Variants in UBASH3B observed in about 807,000 individuals in gnomAD.
UBASH3B encodes ubiquitin-associated and SH3 domain-containing protein B.
Under a neutral mutation model 83.4 loss-of-function variants are expected in UBASH3B, and 37 were observed. The observed-to-expected ratio is 0.44, with a 90% CI of 0.34 to 0.58. The LOEUF is 0.58. UBASH3B is among the 20% of genes least tolerant of loss of function. The pLI, the probability that UBASH3B is intolerant of heterozygous loss-of-function variation, is 0.01. For missense variants in UBASH3B, 657 were observed against 827.2 expected (o/e 0.79, Z 2.52); for synonymous variants, 304 against 318.3 (o/e 0.96, Z 0.48).
chr11:122,684,018 T>C (rs923104165), intron 1 of UBASH3B, among the ~76,000 whole-genome samples: 3 of 152,194 alleles, frequency 2.0e-5, no homozygotes, highest in African/African-American at 7.2e-5. Flanking sequence ...TATTAGTTTT[T>C]AATATAGATC....
chr11:122,813,532 A>G lies in UBASH3B; in HGVS notation c.*3646A>G. Reference sequence around the variant, plus strand: ...GATTTCACAGCCTTCAGCACAGGCAACTGTTACTGAGTCTGCACGAACTTA... The same window carrying G: ...GATTTCACAGCCTTCAGCACAGGCAGCTGTTACTGAGTCTGCACGAACTTA... On this transcript the variant is annotated 3_prime_UTR_variant, in exon 14 of 14. Transcript: ENST00000284273. 1 of 152,230 alleles carries G rather than the reference A, an allele frequency of 6.6e-6. No homozygotes were observed. Among genetic ancestry groups the G allele is most frequent in the East Asian group, 1.9e-4 (1 of 5,202 alleles). The allele number at this position is 152,230 out of a possible 1,614,324, so 9.4% of individuals were successfully genotyped here.
At position 122,812,627 on chromosome 11, in the gene UBASH3B, G is replaced by A. The variant is rs1861470300; in HGVS notation, c.*2741G>A. 2 of 152,190 alleles carry A rather than the reference G, an allele frequency of 1.3e-5. No individual in the cohort carries two copies. Among genetic ancestry groups the A allele is most frequent in the Admixed American group, 1.3e-4 (2 of 15,268 alleles). The allele number at this position is 152,190 out of a possible 1,614,324, so 9.4% of individuals were successfully genotyped here. A position where few individuals can be genotyped will look rare whatever the true frequency, so the allele number is the denominator to read the frequency against. ...TAGAAAGTTATTTGAAATAAACTAG[G>A]TGAAATGAAATTAACTAAAGGTTTT... is the stretch of plus-strand genomic sequence containing the variant. On this transcript the variant is annotated 3_prime_UTR_variant, in exon 14 of 14. Coordinates refer to ENST00000284273, the MANE Select transcript of UBASH3B (RefSeq NM_032873.5).
At position 122,746,225 on chromosome 11, in the gene UBASH3B, G is replaced by A. The variant is rs192804307; in HGVS notation, c.162-29994G>A. ...TGGCATTGAGTAGGGCAGCTTTTAC[G>A]TTTTTATAAATAACCTGAAAAAGGA... On this transcript the variant is annotated intron_variant, in intron 1 of 13. Coordinates refer to ENST00000284273, the MANE Select transcript of UBASH3B (RefSeq NM_032873.5). Among the ~76,000 whole-genome samples the A allele has an allele frequency of 5.9e-5, 9 of 152,266 alleles. No homozygotes were observed. The South Asian group carries it at 6.2e-4, about 11-fold the overall frequency.
At position 122,779,499 on chromosome 11, in the gene UBASH3B, C is replaced by A. The variant is rs762387548; in HGVS notation, c.405C>A (p.Cys135Ter). 1 of 1,613,642 alleles carries A rather than the reference C, an allele frequency of 6.2e-7. No individual in the cohort carries two copies. The change falls in exon 4 of 14, where the codon TGC (cysteine) becomes TGA (stop). Residue 135 changes from cysteine (C) to a stop codon, truncating the protein, a stop_gained and splice_region_variant. Coordinates refer to ENST00000284273, the MANE Select transcript of UBASH3B (RefSeq NM_032873.5). LOFTEE classifies it high-confidence loss of function. ...PHITLCQFFM[C>*]EDSKVDALGE... is the part of the protein sequence containing the mutation. ...AGACTGCCTGTTTTCCCTGCCAGTG[C>A]GAGGACAGCAAGGTGGATGCCCTGG...
In UBASH3B at chr11:122,729,270, A is replaced by T. The variant is rs557955160; in HGVS notation, c.162-46949A>T. Among the ~76,000 whole-genome samples the T allele has an allele frequency of 2.0e-5, 3 of 152,224 alleles. 1 individual carries two copies. The South Asian group carries it at 6.2e-4, about 32-fold the overall frequency. On this transcript the variant is annotated intron_variant, in intron 1 of 13. Coordinates refer to ENST00000284273, the MANE Select transcript of UBASH3B (RefSeq NM_032873.5). ...AGAGGCCAGAAAGCCCAGAAGATGA[A>T]GCCTTGTCACTTTTGGTCTTGTGGC...
intron 1 of UBASH3B, among the ~76,000 whole-genome samples, chr11:122,724,582 G>A (rs1860698842): frequency 6.6e-6 from 1 of 152,218 alleles, no homozygotes; most frequent in African/African-American, 2.4e-5. Context: ...GCGGCCAGCT[G>A]TGTGCCATGG....
intron 1 of UBASH3B, among the ~76,000 whole-genome samples, chr11:122,745,896 A>G (rs1035650091): frequency 6.6e-6 from 1 of 152,232 alleles, no homozygotes; most frequent in African/African-American, 2.4e-5. Context: ...CTGGGGGAGC[A>G]CGTATATCAC....
intron 1 of UBASH3B, among the ~76,000 whole-genome samples, chr11:122,746,445 C>T (rs150066246): frequency 1.3e-5 from 2 of 152,206 alleles, no homozygotes; most frequent in East Asian, 3.9e-4. Context: ...ATGGTGCCTC[C>T]GGGTGATTAA....
chr11:122,772,500 G>T (rs929140007), intron 1 of UBASH3B, among the ~76,000 whole-genome samples: 2 of 152,044 alleles, frequency 1.3e-5, no homozygotes, highest in Non-Finnish European at 2.9e-5. Flanking sequence ...GAAAGAGAGA[G>T]AGGGAAGGAG....
chr11:122,793,502 G>A (rs1280592037), intron 6 of UBASH3B, among the ~76,000 whole-genome samples: 1 of 152,242 alleles, frequency 6.6e-6, no homozygotes, highest in East Asian at 1.9e-4. Context: ...AGCAAACTGG[G>A]ATGGATGGCT....
intron 1 of UBASH3B, among the ~76,000 whole-genome samples, chr11:122,715,260 T>C (rs1669970039): frequency 6.6e-6 from 1 of 152,224 alleles, no homozygotes; most frequent in Admixed American, 6.5e-5. Flanking sequence ...AAATGTTAAA[T>C]GCTGACACAG....
At chr11:122,767,914 A>G (rs1013937053) in intron 1 of UBASH3B, among the ~76,000 whole-genome samples, 3 of 152,178 alleles carry the variant, frequency 2.0e-5, no homozygotes, top group African/African-American at 7.2e-5. Context: ...GAGCAAGGCC[A>G]ATGTCTTAAT....
chr11:122,745,747 C>T (rs1307164956), intron 1 of UBASH3B, among the ~76,000 whole-genome samples: 1 of 152,234 alleles, frequency 6.6e-6, no homozygotes, highest in African/African-American at 2.4e-5. Context: ...TGGGTCCCTT[C>T]CCCCATTGCA....
intron 1 of UBASH3B, among the ~76,000 whole-genome samples, chr11:122,683,967 C>T (rs1373058340): frequency 6.6e-6 from 1 of 152,144 alleles, no homozygotes; most frequent in African/African-American, 2.4e-5. Context: ...ACATCTATTT[C>T]TTGTAGTTCC....
At chr11:122,656,917 A>AGTGGG (rs1394380006) in intron 1 of UBASH3B, among the ~76,000 whole-genome samples, 1 of 151,714 alleles carries the variant, frequency 6.6e-6, no homozygotes, top group Non-Finnish European at 1.5e-5. Context: ...CCTCTAGGAG[A>AGTGGG]GTGGGGTAGG....
chr11:122,778,144 A>T (rs1591809525), intron 3 of UBASH3B, among the ~76,000 whole-genome samples: 3 of 70,848 alleles, frequency 4.2e-5, no homozygotes, highest in Admixed American at 3.9e-4. Flanking sequence ...TCAAGACCAA[A>T]CAAAGTGGTA....
At chr11:122,760,518 A>G (rs1233724769) in intron 1 of UBASH3B, among the ~76,000 whole-genome samples, 26 of 151,978 alleles carry the variant, frequency 1.7e-4, no homozygotes, top group Admixed American at 8.5e-4. Flanking sequence ...GCACCACCGC[A>G]CCTGGCTAAT....
At chr11:122,684,982 A>G (rs764158342) in intron 1 of UBASH3B, among the ~76,000 whole-genome samples, 3 of 152,234 alleles carry the variant, frequency 2.0e-5, no homozygotes, top group Non-Finnish European at 4.4e-5. Flanking sequence ...TCATTTGTCC[A>G]GATGTTTCAT....
chr11:122,674,497 C>T (rs1863640714), intron 1 of UBASH3B, among the ~76,000 whole-genome samples: 1 of 151,702 alleles, frequency 6.6e-6, no homozygotes. Flanking sequence ...TCTCCTGCCT[C>T]AGCCTCCCCA....
Sources: allele counts gnomAD v4.1 joint callset (sites outside exome capture counted in the v4.1 genomes callset), GRCh38; gene constraint gnomAD v4.1.1; transcripts MANE v1.5; gene names NCBI Gene and HGNC (gene_info 2026-07-23, HGNC 2026-07-21).